The following MAPK10 variants were observed in gnomAD, a reference collection of about 807,000 sequenced individuals.
MAPK10 encodes mitogen-activated protein kinase 10.
Under a neutral mutation model 59.3 loss-of-function variants are expected in MAPK10, and 25 were observed. That is an observed-to-expected ratio of 0.42 (90% CI 0.31 to 0.59). The LOEUF is 0.59. MAPK10 is among the 20% of genes least tolerant of loss of function. The pLI, the probability that MAPK10 is intolerant of heterozygous loss-of-function variation, is 0.15. For synonymous variants in MAPK10, 190 were observed against 200.5 expected, an observed-to-expected ratio of 0.95 and a Z score of 0.44; for missense variants, 351 against 568.9, an observed-to-expected ratio of 0.62 and a Z score of 3.90.
intron 2 of MAPK10, among the ~76,000 whole-genome samples, chr4:86,246,572 A>T (rs1481785089): frequency 6.6e-5 from 10 of 152,266 alleles, no homozygotes; most frequent in Admixed American, 6.5e-4. Context: ...TAAATCATTA[A>T]GAAGGGAAAA....
chr4:86,399,958 C>G (rs1015394164), intron 1 of MAPK10, among the ~76,000 whole-genome samples: 1 of 152,098 alleles, frequency 6.6e-6, no homozygotes, highest in Admixed American at 6.6e-5. Context: ...GAAAAATTCC[C>G]TTACATGAGA....
rs2084133060 is a variant in MAPK10, at chr4:86,206,747, G to A, written c.-6-12340C>T. 3.9e-5 allele frequency among the ~76,000 whole-genome samples: 6 copies of A among 152,256 alleles called. No individual in the cohort carries two copies. In the South Asian group the frequency reaches 1.2e-3, roughly 32 times the overall value. ...TTTAATGATCGCCATTCTAACTGGT[G>A]TGAGATGGTATCTCATTGTGGTTTT... On this transcript the variant is annotated intron_variant, in intron 2 of 13. Transcript: ENST00000641462.
upstream of MAPK10, among the ~76,000 whole-genome samples, chr4:86,363,718 C>A (rs1737360225): frequency 6.6e-6 from 1 of 150,652 alleles, no homozygotes; most frequent in African/African-American, 2.4e-5. Flanking sequence ...CTCTGCTGTA[C>A]AACAGATCTG....
intron 2 of MAPK10, among the ~76,000 whole-genome samples, chr4:86,260,541 A>G (rs990687321): frequency 6.6e-6 from 1 of 152,134 alleles, no homozygotes; most frequent in Admixed American, 6.5e-5. Context: ...TTAAAAGTCC[A>G]TTGAAGTTCA....
At chr4:86,509,510 C>T (rs1052800364) in intron 1 of MAPK10, among the ~76,000 whole-genome samples, 3 of 151,114 alleles carry the variant, frequency 2.0e-5, no homozygotes, top group East Asian at 1.9e-4. Flanking sequence ...CTTCCCTGTC[C>T]GCATTGTCTA....
intron 2 of MAPK10, among the ~76,000 whole-genome samples, chr4:86,301,473 G>A (rs747819067): frequency 5.9e-5 from 9 of 151,776 alleles, no homozygotes; most frequent in African/African-American, 1.2e-4. Context: ...ACAAAGTCTT[G>A]GAGCTGCCAC....
chr4:86,443,835 G>A (rs1404185045), intron 1 of MAPK10, among the ~76,000 whole-genome samples: 1 of 152,058 alleles, frequency 6.6e-6, no homozygotes, highest in Non-Finnish European at 1.5e-5. Flanking sequence ...AAACAACTAT[G>A]ACTAACTTGC....
chr4:86,034,731 G>A (rs1051709883), intron 11 of MAPK10, among the ~76,000 whole-genome samples: 5 of 152,148 alleles, frequency 3.3e-5, no homozygotes, highest in African/African-American at 1.2e-4. Flanking sequence ...GAACAGGGTG[G>A]AGAAGTCCTA....
At chr4:86,363,800 T>C (rs978528715), upstream of MAPK10, among the ~76,000 whole-genome samples, 13 of 152,172 alleles carry the variant, frequency 8.5e-5, no homozygotes, top group African/African-American at 3.1e-4. Context: ...TCTTTTTTTT[T>C]GAGACAGGGT....
At chr4:86,059,614 C>T (rs2045331984) in intron 11 of MAPK10, among the ~76,000 whole-genome samples, 2 of 152,136 alleles carry the variant, frequency 1.3e-5, no homozygotes, top group Non-Finnish European at 2.9e-5. Flanking sequence ...CAACCCTGTC[C>T]CAATTCCCAA....
chr4:86,380,899 T>C (rs765675395), intron 1 of MAPK10, among the ~76,000 whole-genome samples: 16 of 149,584 alleles, frequency 1.1e-4, no homozygotes, highest in Non-Finnish European at 2.4e-4. Flanking sequence ...TCATACATCC[T>C]GCATTTAAAA....
At position 86,510,844 on chromosome 4, in the gene MAPK10, T is replaced by C. The variant is rs186432334; in HGVS notation, c.-263+83066A>G. On this transcript the variant is annotated intron_variant, in intron 1 of 4. Coordinates refer to the MAPK10 transcript ENST00000502302. ...ACGAAAGCAAAAAAATTGGCTCTCA[T>C]GGAGGTAGAGAGTAAAATGGTTACC... Among the ~76,000 whole-genome samples, 409 of 152,108 alleles carry C rather than the reference T, an allele frequency of 2.7e-3. 3 individuals carry two copies. Among genetic ancestry groups the C allele is most frequent in the African/African-American group, 9.3e-3 (387 of 41,472 alleles).
At chr4:86,222,957 A>G (rs1424252285) in intron 2 of MAPK10, among the ~76,000 whole-genome samples, 1 of 152,182 alleles carries the variant, frequency 6.6e-6, no homozygotes, top group Non-Finnish European at 1.5e-5. Context: ...TGTCCCCCAC[A>G]CAGTACAAGG....
intron 2 of MAPK10, among the ~76,000 whole-genome samples, chr4:86,203,409 C>T (rs554683604): frequency 2.6e-5 from 4 of 151,756 alleles, no homozygotes; most frequent in Non-Finnish European, 5.9e-5. Flanking sequence ...GATGTGTCAA[C>T]TAAACCACAG....
chr4:86,194,626 C>T (rs942544492), intron 2 of MAPK10, among the ~76,000 whole-genome samples: 2 of 151,888 alleles, frequency 1.3e-5, no homozygotes, highest in Non-Finnish European at 2.9e-5. Flanking sequence ...AATTCCATCA[C>T]ACTCATAAAG....
rs1742128241 is a variant in MAPK10 at position 86,013,636 on chromosome 4, A to G, written c.*3592T>C. On this transcript the variant is annotated 3_prime_UTR_variant, in exon 14 of 14. Transcript: ENST00000641462. ...CTTGACAGGACATAAAAGGTTTTAC[A>G]TATTTTTATCTATTTTTTACTAGTT... 6.6e-6 allele frequency: 1 copy of G among 152,158 alleles called. No individual in the cohort carries two copies. Among genetic ancestry groups the G allele is most frequent in the Admixed American group, 6.5e-5 (1 of 15,276 alleles). The allele number at this position is 152,158 out of a possible 1,614,324, so 9.4% of individuals were successfully genotyped here.
chr4:86,574,475 C>T (rs926014542), intron 1 of MAPK10, among the ~76,000 whole-genome samples: 1 of 151,592 alleles, frequency 6.6e-6, no homozygotes, highest in Non-Finnish European at 1.5e-5. Context: ...CCTGAGGAGT[C>T]GCCACACTGA....
intron 1 of MAPK10, among the ~76,000 whole-genome samples, chr4:86,531,953 C>T (rs927020422): frequency 3.3e-5 from 5 of 151,768 alleles, no homozygotes; most frequent in Non-Finnish European, 5.9e-5. Flanking sequence ...ATTCAGGGAG[C>T]TGAGGTAGAA....
chr4:86,471,635 T>C (rs1752672013), intron 1 of MAPK10, among the ~76,000 whole-genome samples: 1 of 152,250 alleles, frequency 6.6e-6, no homozygotes, highest in Admixed American at 6.5e-5. Context: ...ATGTATACCA[T>C]ACTTCAGATT....
Sources: allele counts gnomAD v4.1 joint callset (sites outside exome capture counted in the v4.1 genomes callset), GRCh38; gene constraint gnomAD v4.1.1; transcripts MANE v1.5; gene names NCBI Gene and HGNC (gene_info 2026-07-23, HGNC 2026-07-21).